Variants in PHF14 observed in about 807,000 individuals in gnomAD.
The protein encoded by PHF14 is PHD finger protein 14.
PHF14 carries 55 observed loss-of-function variants against 117.9 expected under a neutral mutation model. The observed-to-expected ratio is 0.47, with a 90% CI of 0.38 to 0.58. The LOEUF is 0.58. PHF14 is among the 20% of genes least tolerant of loss of function. The pLI, the probability that PHF14 is intolerant of heterozygous loss-of-function variation, is 0.00. For synonymous variants in PHF14, 409 were observed against 368.6 expected, an observed-to-expected ratio of 1.11 and a Z score of -1.26; for missense variants, 978 against 1,122.2, an observed-to-expected ratio of 0.87 and a Z score of 1.84.
chr7:11,141,644 G>A (rs972977913), intron 17 of PHF14, among the ~76,000 whole-genome samples: 1 of 151,984 alleles, frequency 6.6e-6, no homozygotes, highest in Non-Finnish European at 1.5e-5. Context: ...GTTTCCCACA[G>A]GGAAGTTTTA....
intron 2 of PHF14, among the ~76,000 whole-genome samples, chr7:10,977,607 A>G (rs1219872087): frequency 4.6e-5 from 7 of 152,186 alleles, no homozygotes; most frequent in Non-Finnish European, 1.0e-4. Flanking sequence ...ATGAAACTGA[A>G]GATAGTTTAT....
At chr7:11,003,146 G>T (rs752366218) in intron 4 of PHF14, among the ~76,000 whole-genome samples, 7 of 152,038 alleles carry the variant, frequency 4.6e-5, no homozygotes, top group Non-Finnish European at 8.8e-5. Context: ...TCACCATGTT[G>T]GCCAGGATGG....
chr7:10,999,670 A>G (rs986683479), intron 4 of PHF14, among the ~76,000 whole-genome samples: 1 of 152,228 alleles, frequency 6.6e-6, no homozygotes, highest in African/African-American at 2.4e-5. Context: ...TTGAAAGTTC[A>G]TAATACGACC....
chr7:10,976,636 T>A (rs550394311), intron 2 of PHF14, among the ~76,000 whole-genome samples: 1 of 152,178 alleles, frequency 6.6e-6, no homozygotes, highest in African/African-American at 2.4e-5. Context: ...AACAATCTGA[T>A]ACAAACATAA....
rs1562560470 is a variant in PHF14, at chr7:10,982,867, T to A, written c.608T>A (p.Met203Lys). 1 of 1,613,806 alleles carries A rather than the reference T, an allele frequency of 6.2e-7. No individual in the cohort carries two copies. The highest frequency in any genetic ancestry group is 1.1e-5 in the South Asian group (1 of 91,064). The change falls in exon 3 of 18, where the codon ATG becomes AAG. Residue 203 changes from methionine (M) to lysine (K), a missense_variant. Met to Lys is a moderately conservative substitution (Grantham distance 95). Around this residue, in one of 7 missense-constraint regions of PHF14, gnomAD observed 414 missense variants for 376.4 expected, o/e 1.10. Transcript: ENST00000634607. The stretch of plus-strand genomic sequence containing the variant: ...GTGTCCATGGAAGAGCTGAATGACA[T>A]GGATGACTATGACAGTGAGGATGAC... The part of the protein sequence containing the change: ...DFVSMEELND[M>K]DDYDSEDDND...
chr7:11,031,398 CA>C (rs113747217), intron 7 of PHF14, among the ~76,000 whole-genome samples: 11 of 152,032 alleles, frequency 7.2e-5, no homozygotes, highest in African/African-American at 2.7e-4. Context: ...TGTTATGACA[CA>C]ACATGCTTTA....
chr7:11,168,139 A>G (rs796216245), intron 17 of PHF14, among the ~76,000 whole-genome samples: 38 of 152,330 alleles, frequency 2.5e-4, no homozygotes, highest in African/African-American at 8.9e-4. Context: ...AGATAAAATA[A>G]GGAAAAAATG....
intron 17 of PHF14, among the ~76,000 whole-genome samples, chr7:11,165,564 G>C (rs1262747651): frequency 6.6e-6 from 1 of 152,054 alleles, no homozygotes; most frequent in East Asian, 1.9e-4. Flanking sequence ...CAGTCTACAA[G>C]GTAAACAAAG....
intron 16 of PHF14, chr7:11,102,782 T>C (rs1787136062): frequency 3.7e-6 from 5 of 1,362,122 alleles, no homozygotes; most frequent in South Asian, 1.7e-5. Context: ...TTTGCACTTA[T>C]CAGAAATATT....
chr7:11,028,630 TTAGTC>T, intron 6 of PHF14, 46 bp from the exon 7 acceptor site: 1 of 1,573,394 alleles, frequency 6.4e-7, no homozygotes, highest in East Asian at 2.2e-5. Flanking sequence ...AATGCAGTCT[TTAGTC>T]TGGAAATAAG....
At chr7:11,018,813 G>A (rs192905568) in intron 5 of PHF14, among the ~76,000 whole-genome samples, 216 of 152,182 alleles carry the variant, frequency 1.4e-3, no homozygotes, top group African/African-American at 5.1e-3. Context: ...CCTGCTTGTC[G>A]TGTTCCAGAT....
intron 16 of PHF14, chr7:11,107,028 A>G (rs958640285): frequency 2.4e-5 from 24 of 983,780 alleles, no homozygotes; most frequent in African/African-American, 3.5e-5. Flanking sequence ...TAGCTTACAA[A>G]TGGCTATAAA....
intron 16 of PHF14, among the ~76,000 whole-genome samples, chr7:11,068,738 A>G (rs550944152): frequency 6.6e-6 from 1 of 152,304 alleles, no homozygotes; most frequent in South Asian, 2.1e-4. Flanking sequence ...ACAAAAGTCT[A>G]CAGGGATTAT....
intron 16 of PHF14, among the ~76,000 whole-genome samples, chr7:11,069,680 C>CCCTTCCTT (rs201723432): frequency 1.7e-4 from 20 of 115,156 alleles, no homozygotes; most frequent in Non-Finnish European, 3.2e-4. Flanking sequence ...CCCTCCCTTT[C>CCCTTCCTT]CCTTCCTTCC....
At chr7:11,092,925 A>G (rs1786698270) in intron 16 of PHF14, among the ~76,000 whole-genome samples, 1 of 152,060 alleles carries the variant, frequency 6.6e-6, no homozygotes, top group Non-Finnish European at 1.5e-5. Flanking sequence ...CCTAATAGTG[A>G]CCCTTGAATC....
chr7:11,006,621 T>C, intron 4 of PHF14: 1 of 616,016 alleles, frequency 1.6e-6, no homozygotes, highest in South Asian at 1.4e-5. Context: ...CATGGCAGAC[T>C]CAGTGGTCAG....
intron 4 of PHF14, among the ~76,000 whole-genome samples, chr7:11,010,529 A>G (rs938943585): frequency 1.3e-5 from 2 of 151,822 alleles, no homozygotes; most frequent in African/African-American, 4.8e-5. Context: ...TATGTTAATT[A>G]AAAATGTTAA....
intron 17 of PHF14, among the ~76,000 whole-genome samples, chr7:11,131,452 A>G (rs1003284559): frequency 3.9e-5 from 6 of 152,016 alleles, no homozygotes; most frequent in African/African-American, 1.4e-4. Context: ...TATATCTTTT[A>G]TGAGATACCT....
At chr7:10,997,934 G>A (rs551974006) in intron 4 of PHF14, among the ~76,000 whole-genome samples, 43 of 152,274 alleles carry the variant, frequency 2.8e-4, no homozygotes, top group South Asian at 8.3e-4. Context: ...GTAGGTGGGG[G>A]CATTCTAAGA....
Sources: allele counts gnomAD v4.1 joint callset (sites outside exome capture counted in the v4.1 genomes callset), GRCh38; gene constraint gnomAD v4.1.1; regional missense constraint gnomAD v4.1.1; transcripts MANE v1.5; gene names NCBI Gene and HGNC (gene_info 2026-07-23, HGNC 2026-07-21).